The following ATG10 variants were observed in gnomAD, a reference collection of about 807,000 sequenced individuals.
ATG10 encodes ubiquitin-like-conjugating enzyme ATG10.
A neutral mutation model predicts 32.1 loss-of-function variants in ATG10; 30 were observed. The observed-to-expected ratio is 0.94, with a 90% confidence interval of 0.70 to 1.27. The LOEUF is 1.27. Among genes scored for constraint, ATG10 ranks in the 50% most tolerant of loss-of-function variants. The pLI, the probability that ATG10 is intolerant of heterozygous loss-of-function variation, is 0.00. For missense variants in ATG10, 233 were observed against 262.3 expected, an observed-to-expected ratio of 0.89 and a Z score of 0.77; for synonymous variants, 87 against 91.5, an observed-to-expected ratio of 0.95 and a Z score of 0.28.
At chr5:82,106,394 G>A (rs1272918474) in intron 3 of ATG10, among the ~76,000 whole-genome samples, 2 of 152,066 alleles carry the variant, frequency 1.3e-5, no homozygotes, top group Non-Finnish European at 2.9e-5. Context: ...CCGTATTTGA[G>A]AGGTTGGGCA....
intron 2 of ATG10, among the ~76,000 whole-genome samples, chr5:82,035,478 A>G (rs1417779953): frequency 6.6e-6 from 1 of 152,184 alleles, no homozygotes; most frequent in Admixed American, 6.5e-5. Context: ...GTACTAATTT[A>G]TACTCCTATC....
At chr5:82,008,532 ACTAT>A (rs10555502) in intron 2 of ATG10, among the ~76,000 whole-genome samples, 11,550 of 152,234 alleles carry the variant, frequency 0.076, 607 homozygotes, top group African/African-American at 0.16. Flanking sequence ...GATTATCAAA[ACTAT>A]CTGAGAAGGA....
intron 3 of ATG10, among the ~76,000 whole-genome samples, chr5:82,072,761 T>C (rs1764168554): frequency 6.6e-6 from 1 of 152,220 alleles, no homozygotes; most frequent in Non-Finnish European, 1.5e-5. Flanking sequence ...CTGGAACTTT[T>C]ACATATAAGA....
chr5:82,152,854 A>C (rs1767658368), intron 3 of ATG10, among the ~76,000 whole-genome samples: 1 of 152,188 alleles, frequency 6.6e-6, no homozygotes, highest in Non-Finnish European at 1.5e-5. Flanking sequence ...TCATGATAAA[A>C]AAAGTTTAGA....
At chr5:81,989,082 G>A (rs1392828458) in intron 2 of ATG10, among the ~76,000 whole-genome samples, 1 of 152,070 alleles carries the variant, frequency 6.6e-6, no homozygotes, top group Non-Finnish European at 1.5e-5. Flanking sequence ...CCCTGCCTCA[G>A]CCTCCCAAAG....
intron 3 of ATG10, among the ~76,000 whole-genome samples, chr5:82,106,801 A>G (rs561414168): frequency 2.6e-5 from 4 of 151,370 alleles, no homozygotes; most frequent in African/African-American, 9.7e-5. Context: ...ACCCCCTTCT[A>G]TGAGCAAGCA....
chr5:81,989,982 A>G (rs1169650018), intron 2 of ATG10, among the ~76,000 whole-genome samples: 1 of 152,032 alleles, frequency 6.6e-6, no homozygotes, highest in South Asian at 2.1e-4. Flanking sequence ...CCATTCAGTC[A>G]CCTTATTGAA....
chr5:82,085,207 A>T (rs1764635728), intron 3 of ATG10, among the ~76,000 whole-genome samples: 1 of 152,064 alleles, frequency 6.6e-6, no homozygotes, highest in Admixed American at 6.5e-5. Context: ...ACAGACTTTG[A>T]ACTAACAAAG....
At chr5:82,133,794 A>G (rs887913429) in intron 3 of ATG10, among the ~76,000 whole-genome samples, 3 of 152,068 alleles carry the variant, frequency 2.0e-5, no homozygotes, top group African/African-American at 7.2e-5. Flanking sequence ...AATAGCATTG[A>G]ATCTATAAAT....
intron 3 of ATG10, among the ~76,000 whole-genome samples, chr5:82,158,875 C>G (rs1767914340): frequency 6.6e-6 from 1 of 152,112 alleles, no homozygotes; most frequent in East Asian, 1.9e-4. Context: ...TGTAGGCCTT[C>G]CTGTACCCCT....
intron 4 of ATG10, among the ~76,000 whole-genome samples, chr5:82,176,806 T>C (rs1337635507): frequency 2.0e-5 from 3 of 152,120 alleles, no homozygotes; most frequent in Non-Finnish European, 4.4e-5. Flanking sequence ...CATGGAAATG[T>C]CAATGGAATA....
chr5:82,046,555 T>A (rs554944174), intron 2 of ATG10, among the ~76,000 whole-genome samples: 1 of 152,306 alleles, frequency 6.6e-6, no homozygotes, highest in South Asian at 2.1e-4. Context: ...AGCAAATGTT[T>A]GTTGTTTTAA....
At position 82,153,411 on chromosome 5, in the gene ATG10, G is replaced by T. The variant is rs190622384; in HGVS notation, c.217-10988G>T. On this transcript the variant is annotated intron_variant, in intron 3 of 7. Coordinates refer to ENST00000282185, the MANE Select transcript of ATG10 (RefSeq NM_031482.5). ...GCAGAAACTATTGCTGGGGGCAACA[G>T]AAAGTGTAGGCAGACACTTTTTAGT... is the stretch of plus-strand genomic sequence containing the variant. Among the ~76,000 whole-genome samples, 384 of 152,276 alleles carry T rather than the reference G, an allele frequency of 2.5e-3. 1 individual carries two copies. The highest frequency in any genetic ancestry group is 3.1e-3 in the Non-Finnish European group (214 of 68,016).
chr5:81,977,446 ACT>A (rs1489129575), intron 1 of ATG10, among the ~76,000 whole-genome samples: 1 of 151,988 alleles, frequency 6.6e-6, no homozygotes, highest in East Asian at 1.9e-4. Context: ...GCAATGGCAA[ACT>A]CTAACTTCTT....
chr5:81,993,156 G>A (rs920404683), intron 2 of ATG10, among the ~76,000 whole-genome samples: 1 of 152,020 alleles, frequency 6.6e-6, no homozygotes, highest in African/African-American at 2.4e-5. Flanking sequence ...CTGGATTTTG[G>A]ACATACTACT....
chr5:82,040,476 G>A (rs1394549517), intron 2 of ATG10, among the ~76,000 whole-genome samples: 2 of 152,084 alleles, frequency 1.3e-5, no homozygotes, highest in African/African-American at 2.4e-5. Flanking sequence ...AATCATAAAT[G>A]TTAAAAATAT....
chr5:82,110,546 A>G (rs1213177807), intron 3 of ATG10, among the ~76,000 whole-genome samples: 2 of 151,982 alleles, frequency 1.3e-5, no homozygotes, highest in South Asian at 2.1e-4. Context: ...TTCTCTGATG[A>G]CCAGTGATGA....
At position 82,166,596 on chromosome 5, in the gene ATG10, C is replaced by A. The variant is rs537300868; in HGVS notation, c.355+2059C>A. Among the ~76,000 whole-genome samples the A allele has an allele frequency of 1.1e-3, 175 of 152,214 alleles. 2 individuals are homozygous for A. The highest frequency in any genetic ancestry group is 2.3e-3 in the Admixed American group (35 of 15,282). On this transcript the variant is annotated intron_variant, in intron 4 of 7. Transcript: ENST00000282185. The stretch of plus-strand genomic sequence containing the variant: ...TGTATCAACCTTTACTCTGGAGTCA[C>A]AATTTTTCATTTATTCCCCCCCCAG...
intron 1 of ATG10, 27 bp from the exon 2 acceptor site, chr5:81,987,532 T>A (rs767950292): frequency 7.1e-7 from 1 of 1,409,350 alleles, no homozygotes; most frequent in South Asian, 1.2e-5. Context: ...CTAAAGTTGA[T>A]GCTAATACTT....
Sources: gnomAD v4.1 joint callset for allele counts (sites outside exome capture counted in the v4.1 genomes callset) on GRCh38, gnomAD v4.1.1 for gene constraint, MANE v1.5 for transcripts, NCBI Gene and HGNC (gene_info 2026-07-23, HGNC 2026-07-21) for gene names.